FSTL5: variants seen among roughly 807,000 people sequenced by gnomAD.
The protein encoded by FSTL5 is follistatin like 5, also known as follistatin-related protein 5.
In FSTL5, 62 loss-of-function variants were observed where a neutral mutation model predicts 89.1. The observed-to-expected ratio is 0.70, with a 90% CI of 0.57 to 0.86. The LOEUF (loss-of-function observed/expected upper bound fraction) is 0.86, where lower values mean the gene tolerates loss of function less well. Ranked by LOEUF, FSTL5 falls within the 40% of genes least tolerant of loss-of-function variation. FSTL5 has a pLI of 0.00. For missense variants in FSTL5, 1,057 were observed against 1,001.6 expected (o/e 1.06, Z -0.75); for synonymous variants, 383 against 346.2 (o/e 1.11, Z -1.18).
At chr4:161,389,909 C>T (rs1030969071) in intron 15 of FSTL5, among the ~76,000 whole-genome samples, 6 of 152,202 alleles carry the variant, frequency 3.9e-5, no homozygotes, top group Admixed American at 6.5e-5. Flanking sequence ...ATCAATTTTT[C>T]TGTGCAGGTA....
intron 4 of FSTL5, among the ~76,000 whole-genome samples, chr4:161,777,037 T>C (rs1295705634): frequency 6.6e-6 from 1 of 151,950 alleles, no homozygotes; most frequent in African/African-American, 2.4e-5. Context: ...CCCGCCACTA[T>C]CTTTCCCAAC....
rs143255213 is a variant in FSTL5, at chr4:161,950,224, T to C, written c.161-29572A>G. On this transcript the variant is annotated intron_variant, in intron 3 of 15. Transcript: ENST00000306100. Reference sequence around the variant, plus strand: ...CTAAGGTTACTCAAAGAATTTCTTTTTGCTTTACAGCACAGCTGCCAACAT... The same window carrying C: ...CTAAGGTTACTCAAAGAATTTCTTTCTGCTTTACAGCACAGCTGCCAACAT... Among the ~76,000 whole-genome samples the C allele has an allele frequency of 1.4e-3, 211 of 152,288 alleles. 1 individual carries two copies. Among genetic ancestry groups the C allele is most frequent in the Non-Finnish European group, 2.1e-3 (146 of 68,018 alleles).
At chr4:162,050,182 G>T (rs972839109) in intron 2 of FSTL5, among the ~76,000 whole-genome samples, 1 of 151,614 alleles carries the variant, frequency 6.6e-6, no homozygotes, top group Non-Finnish European at 1.5e-5. Context: ...GAATTGAAAG[G>T]TTTTTTAAAA....
Position 161,564,976 on chromosome 4 carries a change from A to G in FSTL5, c.1016-22283T>C, listed in dbSNP as rs116051902. 4.6e-3 allele frequency among the ~76,000 whole-genome samples: 705 copies of G among 152,088 alleles called. 12 individuals carry two copies. The South Asian group carries it at 0.055, about 12-fold the overall frequency. On this transcript the variant is annotated intron_variant, in intron 8 of 15. Coordinates refer to ENST00000306100, the MANE Select transcript of FSTL5 (RefSeq NM_020116.5). Reference sequence around the variant, plus strand: ...TATTGATAATATTTTATAAAACTATATGATGCACAAAATTATATGTATTTT... The same window carrying G: ...TATTGATAATATTTTATAAAACTATGTGATGCACAAAATTATATGTATTTT...
intron 1 of FSTL5, among the ~76,000 whole-genome samples, chr4:162,125,684 G>T (rs552224697): frequency 1.3e-5 from 2 of 152,048 alleles, no homozygotes; most frequent in African/African-American, 4.8e-5. Flanking sequence ...ATCAGACATT[G>T]TAATTCATAT....
At chr4:161,516,946 C>A (rs567399874) in intron 10 of FSTL5, among the ~76,000 whole-genome samples, 6 of 151,936 alleles carry the variant, frequency 3.9e-5, no homozygotes, top group Admixed American at 3.9e-4. Flanking sequence ...CAGGCTGGAG[C>A]GTAGTGGTGT....
chr4:161,398,875 C>A (rs1246027880), intron 15 of FSTL5, among the ~76,000 whole-genome samples: 1 of 152,032 alleles, frequency 6.6e-6, no homozygotes, highest in Non-Finnish European at 1.5e-5. Context: ...TGCATGAATA[C>A]AATCTTCACA....
At chr4:161,822,021 T>C (rs1730509938) in intron 4 of FSTL5, among the ~76,000 whole-genome samples, 3 of 152,196 alleles carry the variant, frequency 2.0e-5, no homozygotes, top group Admixed American at 1.3e-4. Context: ...CTGTTTTTCA[T>C]AGTGGTTGTA....
chr4:161,764,024 T>C (rs2126793419), intron 5 of FSTL5, among the ~76,000 whole-genome samples: 1 of 152,198 alleles, frequency 6.6e-6, no homozygotes, highest in South Asian at 2.1e-4. Flanking sequence ...TGCCCAAAAC[T>C]ATACTAAGTG....
At chr4:161,553,224 A>G (rs1732272968) in intron 8 of FSTL5, among the ~76,000 whole-genome samples, 1 of 151,404 alleles carries the variant, frequency 6.6e-6, no homozygotes, top group Non-Finnish European at 1.5e-5. Context: ...ACTTTATATA[A>G]TAATATCCAA....
At chr4:161,472,795 G>C (rs80342808) in intron 13 of FSTL5, among the ~76,000 whole-genome samples, 58,726 of 151,262 alleles carry the variant, frequency 0.39, 11,413 homozygotes, top group East Asian at 0.42. Context: ...CATGATCTCG[G>C]CTCACTGCAA....
At chr4:162,067,920 G>A (rs150690218) in intron 2 of FSTL5, among the ~76,000 whole-genome samples, 1 of 152,094 alleles carries the variant, frequency 6.6e-6, no homozygotes, top group African/African-American at 2.4e-5. Context: ...CAAGCAGAGA[G>A]CCAAATCACG....
chr4:161,573,978 C>T (rs556935524), intron 8 of FSTL5, among the ~76,000 whole-genome samples: 1 of 152,082 alleles, frequency 6.6e-6, no homozygotes, highest in East Asian at 1.9e-4. Context: ...CGGGATAATC[C>T]ACGTTCATGC....
At position 161,536,423 on chromosome 4, in the gene FSTL5, C is replaced by T. The variant is rs148416721; in HGVS notation, c.1312+1743G>A. On this transcript the variant is annotated intron_variant, in intron 10 of 15. Coordinates refer to ENST00000306100, the MANE Select transcript of FSTL5 (RefSeq NM_020116.5). ...AATTTTCACTACTATGAAATCCACC[C>T]GATTTTGGTTTTCTTTTGTTATACA... Among the ~76,000 whole-genome samples the T allele has an allele frequency of 1.1e-4, 16 of 152,168 alleles. No individual in the cohort carries two copies. In the East Asian group the frequency reaches 1.5e-3, roughly 15 times the overall value.
intron 15 of FSTL5, among the ~76,000 whole-genome samples, chr4:161,445,220 T>A (rs1315402511): frequency 6.6e-6 from 1 of 151,908 alleles, no homozygotes; most frequent in African/African-American, 2.4e-5. Flanking sequence ...TTACTGAAAC[T>A]CTATGTTGGA....
chr4:162,089,656 AAAAG>A (rs1561012760), intron 2 of FSTL5, among the ~76,000 whole-genome samples: 1 of 136,422 alleles, frequency 7.3e-6, no homozygotes, highest in Non-Finnish European at 1.6e-5. Context: ...AAAAAGAAAA[AAAAG>A]AAAGAAAGAA....
At chr4:161,809,344 G>T (rs568932503) in intron 4 of FSTL5, among the ~76,000 whole-genome samples, 1 of 152,320 alleles carries the variant, frequency 6.6e-6, no homozygotes, top group Admixed American at 6.5e-5. Context: ...TCTAGGACGT[G>T]AAGAAATTGG....
At chr4:162,091,774 C>T (rs1003541775) in intron 2 of FSTL5, among the ~76,000 whole-genome samples, 8 of 151,948 alleles carry the variant, frequency 5.3e-5, no homozygotes, top group East Asian at 1.9e-4. Context: ...CTTCCAACAA[C>T]GGCATCCATA....
chr4:161,507,163 A>G (rs1317383110), intron 11 of FSTL5, among the ~76,000 whole-genome samples: 4 of 151,972 alleles, frequency 2.6e-5, no homozygotes, highest in Admixed American at 6.6e-5. Flanking sequence ...AGCATATGTA[A>G]AATTTATATA....
Sources: gnomAD v4.1 joint callset for allele counts (sites outside exome capture counted in the v4.1 genomes callset) on GRCh38, gnomAD v4.1.1 for gene constraint, MANE v1.5 for transcripts, NCBI Gene and HGNC (gene_info 2026-07-23, HGNC 2026-07-21) for gene names.